Variants in STXBP4 observed in about 807,000 individuals in gnomAD.
STXBP4 encodes the protein syntaxin-binding protein 4.
In STXBP4, 55 loss-of-function variants were observed where a neutral mutation model predicts 76.1. The observed-to-expected ratio is 0.72, with a 90% CI of 0.58 to 0.91. STXBP4 has a LOEUF of 0.91. STXBP4 is among the 40% of genes least tolerant of loss of function. The pLI is 0.00. For synonymous variants in STXBP4, 201 were observed against 220.2 expected (o/e 0.91, Z 0.77); for missense variants, 618 against 636.9 (o/e 0.97, Z 0.32).
At chr17:55,199,726 C>T in the STXBP4 span, among the ~76,000 whole-genome samples, 834 of 152,294 alleles carry the variant, frequency 5.5e-3, 12 homozygotes, top group South Asian at 0.023. Flanking sequence ...AGTAGAATAA[C>T]CCAAGATGAA....
the STXBP4 span, among the ~76,000 whole-genome samples, chr17:55,194,292 A>C: frequency 2.6e-5 from 4 of 152,194 alleles, no homozygotes; most frequent in Admixed American, 6.5e-5. Flanking sequence ...AAAATATTGC[A>C]TCAGCACTTT....
intron 16 of STXBP4, among the ~76,000 whole-genome samples, chr17:55,104,516 G>T (rs1367351396): frequency 1.3e-5 from 2 of 152,176 alleles, no homozygotes; most frequent in Non-Finnish European, 2.9e-5. Flanking sequence ...TGTGCTGCTG[G>T]ATCCGGTTTG....
chr17:55,145,912 A>C (rs1415526979), intron 17 of STXBP4, among the ~76,000 whole-genome samples: 1 of 152,204 alleles, frequency 6.6e-6, no homozygotes, highest in Non-Finnish European at 1.5e-5. Context: ...CAACATTCTT[A>C]AATTTAATAA....
chr17:55,140,080 G>A (rs955891897), intron 16 of STXBP4, among the ~76,000 whole-genome samples: 2 of 151,982 alleles, frequency 1.3e-5, no homozygotes, highest in Admixed American at 1.3e-4. Context: ...AAAGTGGGAG[G>A]GTCACTTGAG....
intron 16 of STXBP4, 110 bp from the exon 17 acceptor site, chr17:55,141,200 G>T: frequency 1.1e-6 from 1 of 878,298 alleles, no homozygotes; most frequent in Non-Finnish European, 1.8e-6. Flanking sequence ...AAATTATTTT[G>T]TATAAGAAAT....
At chr17:55,061,618 T>C (rs1199937432) in intron 12 of STXBP4, among the ~76,000 whole-genome samples, 1 of 152,202 alleles carries the variant, frequency 6.6e-6, no homozygotes, top group African/African-American at 2.4e-5. Flanking sequence ...CATGCTATTC[T>C]TTTATTGCCA....
chr17:55,043,714 T>C (rs894870196), intron 11 of STXBP4: 1 of 1,399,036 alleles, frequency 7.1e-7, no homozygotes, highest in Admixed American at 2.2e-5. Context: ...TGCAGGGCTA[T>C]TCTTAAGGGA....
At chr17:55,122,784 A>T (rs2079861266) in intron 16 of STXBP4, among the ~76,000 whole-genome samples, 1 of 152,208 alleles carries the variant, frequency 6.6e-6, no homozygotes, top group Non-Finnish European at 1.5e-5. Context: ...AGATTAAAAT[A>T]TTAAAATTAT....
At chr17:55,135,199 C>G (rs911796264) in intron 16 of STXBP4, among the ~76,000 whole-genome samples, 2 of 152,104 alleles carry the variant, frequency 1.3e-5, no homozygotes, top group Non-Finnish European at 2.9e-5. Context: ...CAAATAACCT[C>G]TAGAAATTTT....
chr17:54,998,841 A>G (rs1018392027), intron 4 of STXBP4, among the ~76,000 whole-genome samples: 4 of 94,390 alleles, frequency 4.2e-5, no homozygotes, highest in Admixed American at 2.6e-4. Flanking sequence ...TTGAAAATTT[A>G]ATTTTTTTTT....
At chr17:55,096,959 G>A (rs992983052) in intron 16 of STXBP4, among the ~76,000 whole-genome samples, 17 of 151,928 alleles carry the variant, frequency 1.1e-4, no homozygotes, top group African/African-American at 3.9e-4. Flanking sequence ...CATCTTTAGT[G>A]ACAAACACTG....
intron 8 of STXBP4, among the ~76,000 whole-genome samples, chr17:55,015,644 G>T (rs140039809): frequency 6.6e-6 from 1 of 152,108 alleles, no homozygotes; most frequent in East Asian, 1.9e-4. Context: ...GCTTGGAGTG[G>T]GCATAATCGG....
intron 8 of STXBP4, among the ~76,000 whole-genome samples, chr17:55,008,543 A>G (rs953438497): frequency 1.3e-5 from 2 of 152,194 alleles, no homozygotes; most frequent in African/African-American, 4.8e-5. Context: ...TGTATGTTTT[A>G]CCTGACATGA....
In STXBP4 at chr17:55,025,532, T is replaced by A. The variant is rs940203768; in HGVS notation, c.667-5636T>A. ...AAAAGCAGATACTTGATTTTTTAATTCTTTTACGTGATGGTCTCAATAGAC... is the reference window on the plus strand; with the variant it reads ...AAAAGCAGATACTTGATTTTTTAATACTTTTACGTGATGGTCTCAATAGAC... On this transcript the variant is annotated intron_variant, in intron 8 of 17. Coordinates refer to ENST00000376352, the MANE Select transcript of STXBP4 (RefSeq NM_178509.6). Among the ~76,000 whole-genome samples, 15 of 152,312 alleles carry A rather than the reference T, an allele frequency of 9.8e-5. No homozygotes were observed. In the East Asian group the frequency reaches 2.9e-3, roughly 29 times the overall value.
the STXBP4 span, among the ~76,000 whole-genome samples, chr17:55,187,814 A>T: frequency 6.6e-6 from 1 of 152,224 alleles, no homozygotes; most frequent in South Asian, 2.1e-4. Flanking sequence ...ACTCAGAGAA[A>T]TAAACCTTTC....
At position 55,000,674 on chromosome 17, in the gene STXBP4, T is replaced by C. The variant is rs1342702098; in HGVS notation, c.499-134T>C. 7.9e-5 allele frequency: 54 copies of C among 687,548 alleles called. 2 individuals are homozygous for C. The South Asian group carries it at 9.2e-4, about 12-fold the overall frequency. The allele number at this position is 687,548 out of a possible 1,614,324, so 42.6% of individuals were successfully genotyped here. On this transcript the variant is annotated intron_variant, in intron 6 of 17. Transcript: ENST00000376352. ...GAATTGCTTTGTTTGAAGATGCATATACCAAAATTTTAGAGGTTTCATATT... is the reference window on the plus strand; with the variant it reads ...GAATTGCTTTGTTTGAAGATGCATACACCAAAATTTTAGAGGTTTCATATT...
At chr17:54,997,599 T>C (rs1006928691) in intron 4 of STXBP4, among the ~76,000 whole-genome samples, 41 of 145,154 alleles carry the variant, frequency 2.8e-4, no homozygotes, top group Middle Eastern at 7.2e-3. Context: ...TTTTATATAT[T>C]TTATATATAT....
chr17:55,005,092 G>A (rs2077984654), intron 7 of STXBP4, among the ~76,000 whole-genome samples: 1 of 152,134 alleles, frequency 6.6e-6, no homozygotes, highest in African/African-American at 2.4e-5. Context: ...TTAAATGAAG[G>A]TTAGTGTAAT....
chr17:55,113,298 G>T (rs2079744307), intron 16 of STXBP4, among the ~76,000 whole-genome samples: 1 of 149,266 alleles, frequency 6.7e-6, no homozygotes, highest in South Asian at 2.1e-4. Context: ...ATATTAATTT[G>T]CTTACTTGTA....
Sources: gnomAD v4.1 joint callset for allele counts (sites outside exome capture counted in the v4.1 genomes callset) on GRCh38, gnomAD v4.1.1 for gene constraint, MANE v1.5 for transcripts, NCBI Gene and HGNC (gene_info 2026-07-23, HGNC 2026-07-21) for gene names.